The following SRGAP3 variants were observed in gnomAD, a reference collection of about 807,000 sequenced individuals.
SRGAP3 encodes the protein SLIT-ROBO Rho GTPase-activating protein 3.
In SRGAP3, 39 loss-of-function variants were observed where a neutral mutation model predicts 121.1. That is an observed-to-expected ratio of 0.32 (90% CI 0.25 to 0.42). SRGAP3 has a LOEUF of 0.42. Among genes scored for constraint, SRGAP3 ranks in the 10% least tolerant of loss-of-function variants. The probability of loss-of-function intolerance (pLI) is 1.00; values close to 1 mark genes in which losing one functional copy is unlikely to be tolerated. For missense variants in SRGAP3, 1,213 were observed against 1,470.6 expected (o/e 0.82, Z 2.86); for synonymous variants, 601 against 570.0 (o/e 1.05, Z -0.77).
chr3:8,986,914 G>T (rs184776978), intron 21 of SRGAP3, among the ~76,000 whole-genome samples: 1 of 152,340 alleles, frequency 6.6e-6, no homozygotes, highest in African/African-American at 2.4e-5. Context: ...CCATGCCACA[G>T]GGCAGCTTCC....
intron 6 of SRGAP3, 194 bp from the exon 7 acceptor site, chr3:9,058,666 G>T: frequency 1.7e-6 from 1 of 586,922 alleles, no homozygotes; most frequent in Non-Finnish European, 3.0e-6. Flanking sequence ...GTTGAGATTT[G>T]GGCAATAGCA....
At position 8,994,596 on chromosome 3, in the gene SRGAP3, C is replaced by A. The variant is rs557444974; in HGVS notation, c.2228-73G>T. 6.3e-6 allele frequency: 10 copies of A among 1,577,368 alleles called. No individual in the cohort carries two copies. In the South Asian group the frequency reaches 1.1e-4, roughly 17 times the overall value. On this transcript the variant is annotated intron_variant, in intron 18 of 21. Coordinates refer to ENST00000383836, the MANE Select transcript of SRGAP3 (RefSeq NM_014850.4). Reference sequence around the variant, plus strand: ...CAGCTCAGGAGCCTCACTCAGATGGCCCTGGCTTCTCTGGGGAAGGATAGA... The same window carrying A: ...CAGCTCAGGAGCCTCACTCAGATGGACCTGGCTTCTCTGGGGAAGGATAGA...
At chr3:9,060,005 T>C in intron 6 of SRGAP3, 1 of 623,418 alleles carries the variant, frequency 1.6e-6, no homozygotes, top group South Asian at 1.8e-5. Context: ...CCAACTGCAC[T>C]GGGGCCACCA....
chr3:9,238,074 A>G (rs1953479660), intron 1 of SRGAP3, among the ~76,000 whole-genome samples: 1 of 152,206 alleles, frequency 6.6e-6, no homozygotes, highest in African/African-American at 2.4e-5. Context: ...GAATGCTGCT[A>G]AACATCCTAT....
chr3:9,064,331 C>A, intron 5 of SRGAP3, 65 bp downstream of exon 5: 1 of 1,609,048 alleles, frequency 6.2e-7, no homozygotes, highest in Non-Finnish European at 8.5e-7. Context: ...GGCTGTCCGC[C>A]AAGACCATGG....
chr3:9,072,991 C>T (rs755955997), intron 4 of SRGAP3, among the ~76,000 whole-genome samples: 5 of 152,238 alleles, frequency 3.3e-5, no homozygotes, highest in Non-Finnish European at 7.3e-5. Flanking sequence ...TCGCCTGCTG[C>T]TCTGGCAGGC....
At chr3:9,155,069 T>C (rs890507852) in intron 1 of SRGAP3, among the ~76,000 whole-genome samples, 8 of 152,150 alleles carry the variant, frequency 5.3e-5, no homozygotes, top group African/African-American at 1.9e-4. Context: ...AAGTTGATCC[T>C]TTAGTATTTC....
chr3:9,118,373 C>T (rs1438679682), intron 2 of SRGAP3, among the ~76,000 whole-genome samples: 1 of 152,152 alleles, frequency 6.6e-6, no homozygotes, highest in East Asian at 1.9e-4. Flanking sequence ...CATGGAGCTG[C>T]CAAATTCATT....
intron 1 of SRGAP3, among the ~76,000 whole-genome samples, chr3:9,126,750 G>A (rs1051331239): frequency 6.6e-6 from 1 of 151,982 alleles, no homozygotes. Context: ...AGTGTGGAAT[G>A]CTAGAGAACA....
chr3:9,296,962 G>A (rs183287424), intron 3 of SRGAP3, among the ~76,000 whole-genome samples: 240 of 152,228 alleles, frequency 1.6e-3, no homozygotes, highest in African/African-American at 5.7e-3. Context: ...ACAGCTTACT[G>A]CAGACTCAAC....
intron 1 of SRGAP3, chr3:9,217,410 C>G (rs1239905661): frequency 6.6e-6 from 1 of 152,150 alleles, no homozygotes; most frequent in African/African-American, 2.4e-5. Flanking sequence ...TCCAAGGGGG[C>G]ACGTCAAATT....
intron 21 of SRGAP3, among the ~76,000 whole-genome samples, chr3:8,987,120 T>C (rs1453981471): frequency 6.6e-6 from 1 of 152,228 alleles, no homozygotes; most frequent in Non-Finnish European, 1.5e-5. Flanking sequence ...ATCCCAGACA[T>C]TTACTGTGAA....
chr3:9,164,151 C>A (rs1950700316), intron 1 of SRGAP3, among the ~76,000 whole-genome samples: 1 of 151,504 alleles, frequency 6.6e-6, no homozygotes, highest in South Asian at 2.1e-4. Context: ...GCATGTGCAA[C>A]CACGCCTGGC....
intron 3 of SRGAP3, among the ~76,000 whole-genome samples, chr3:9,098,590 C>T (rs768399726): frequency 2.0e-5 from 3 of 152,176 alleles, no homozygotes; most frequent in Non-Finnish European, 4.4e-5. Flanking sequence ...CCTGCCTTTA[C>T]CACTGAGTAT....
At chr3:9,343,629 T>C (rs1406394978) in intron 1 of SRGAP3, among the ~76,000 whole-genome samples, 1 of 152,198 alleles carries the variant, frequency 6.6e-6, no homozygotes, top group Non-Finnish European at 1.5e-5. Flanking sequence ...TAGGCATACA[T>C]CTTTATATTA....
chr3:9,173,454 A>C lies in SRGAP3; in HGVS notation c.68-48537T>G, dbSNP rs370837154. On this transcript the variant is annotated intron_variant, in intron 1 of 21. Coordinates refer to ENST00000383836, the MANE Select transcript of SRGAP3 (RefSeq NM_014850.4). ...AAACATAAAATAAAACAGTTCCTGC[A>C]CTCAAGCCGCTCACTGGACAGTGGG... 2.0e-5 allele frequency among the ~76,000 whole-genome samples: 3 copies of C among 152,320 alleles called. No individual in the cohort carries two copies. The East Asian group carries it at 5.8e-4, about 29-fold the overall frequency.
intron 2 of SRGAP3, among the ~76,000 whole-genome samples, chr3:9,327,352 T>C: frequency 6.6e-6 from 1 of 152,054 alleles, no homozygotes; most frequent in East Asian, 1.9e-4. Flanking sequence ...TCTATAAACC[T>C]TCCGTAACTT....
intron 1 of SRGAP3, among the ~76,000 whole-genome samples, chr3:9,362,641 A>T (rs1456519275): frequency 6.6e-6 from 1 of 152,140 alleles, no homozygotes; most frequent in Non-Finnish European, 1.5e-5. Context: ...AAAGAAAAAT[A>T]TGAAGTAAAC....
chr3:9,196,447 T>G (rs1951918395), intron 1 of SRGAP3, among the ~76,000 whole-genome samples: 2 of 152,258 alleles, frequency 1.3e-5, no homozygotes, highest in Admixed American at 1.3e-4. Flanking sequence ...CTTTCAGTTG[T>G]AAAAGAGTAA....
Sources: gnomAD v4.1 joint callset for allele counts (sites outside exome capture counted in the v4.1 genomes callset) on GRCh38, gnomAD v4.1.1 for gene constraint, MANE v1.5 for transcripts, NCBI Gene and HGNC (gene_info 2026-07-23, HGNC 2026-07-21) for gene names.